Variants in DLX4 observed in about 807,000 individuals in gnomAD.
DLX4 encodes homeobox protein DLX-4.
DLX4 carries 13 observed loss-of-function variants against 17.1 expected under a neutral mutation model. That is an observed-to-expected ratio of 0.76 (90% CI 0.49 to 1.21). The LOEUF (loss-of-function observed/expected upper bound fraction) is 1.21, where lower values mean the gene tolerates loss of function less well. Among genes scored for constraint, DLX4 ranks in the 50% most tolerant of loss-of-function variants. The pLI is 0.00. For missense variants in DLX4, 297 were observed against 301.4 expected (o/e 0.99, Z 0.11); for synonymous variants, 129 against 140.3 (o/e 0.92, Z 0.57).
intron 2 of DLX4, 141 bp from the exon 3 acceptor site, chr17:49,973,560 G>A (rs1256952035): frequency 1.7e-6 from 2 of 1,158,682 alleles, no homozygotes; most frequent in Non-Finnish European, 2.4e-6. Flanking sequence ...GGGCTGTGGG[G>A]GACTGAAGCA....
At chr17:49,973,508 A>G in intron 2 of DLX4, 193 bp from the exon 3 acceptor site, 1 of 951,044 alleles carries the variant, frequency 1.1e-6, no homozygotes. Flanking sequence ...AGACAGGGAG[A>G]CATGGATACT....
chr17:49,973,409 G>C (rs574249255), intron 2 of DLX4, 140 bp downstream of exon 2: 1 of 1,316,582 alleles, frequency 7.6e-7, no homozygotes, highest in African/African-American at 1.5e-5. Flanking sequence ...TTCATAGCTG[G>C]CTCTTAGTAA....
intron 1 of DLX4, among the ~76,000 whole-genome samples, chr17:49,971,761 C>T (rs904935898): frequency 6.6e-6 from 1 of 151,740 alleles, no homozygotes; most frequent in African/African-American, 2.4e-5. Flanking sequence ...CGGGCGGGAG[C>T]GGAAACCCAA....
chr17:49,970,949 A>G (rs185769987), intron 1 of DLX4, among the ~76,000 whole-genome samples: 1 of 152,236 alleles, frequency 6.6e-6, no homozygotes, highest in East Asian at 1.9e-4. Context: ...AACCCCCCCA[A>G]AATTAACTGC....
At position 49,969,602 on chromosome 17, in the gene DLX4, T is replaced by A; in HGVS notation, c.134T>A (p.Leu45Ter). 1.2e-6 allele frequency: 2 copies of A among 1,613,442 alleles called. No individual in the cohort carries two copies. Among genetic ancestry groups the A allele is most frequent in the Non-Finnish European group, 1.7e-6 (2 of 1,179,942 alleles). The change falls in exon 1 of 3, where the codon TTG becomes TAG. Residue 45 changes from leucine (L) to a stop codon, truncating the protein, a stop_gained. Coordinates refer to ENST00000240306, the MANE Select transcript of DLX4 (RefSeq NM_138281.3). LOFTEE classifies it high-confidence loss of function. ...LSPTTAASPNLSYSRPYGHLL... is the reference protein window; with the variant it reads ...LSPTTAASPN Reference sequence around the variant, plus strand: ...CCTACAACCGCAGCCTCCCCCAATTTGTCCTACTCCAGGCCGTATGGCCAC... The same window carrying A: ...CCTACAACCGCAGCCTCCCCCAATTAGTCCTACTCCAGGCCGTATGGCCAC...
rs759620239 is a variant in DLX4, at chr17:49,973,150, A to C, written c.361A>C (p.Arg121=). ...CCCCGCCAAAAAGCTCCGCAAGCCG[A>C]GGACCATCTACTCCAGCCTGCAGCT... ...QAPAKKLRKP[R]TIYSSLQLQH... The change falls in exon 2 of 3, where the codon AGG becomes CGG. Residue 121 remains arginine, a synonymous_variant. Coordinates refer to ENST00000240306, the MANE Select transcript of DLX4 (RefSeq NM_138281.3). 3.1e-6 allele frequency: 5 copies of C among 1,614,148 alleles called. No homozygotes were observed. In the South Asian group the frequency reaches 5.5e-5, roughly 18 times the overall value.
chr17:49,972,320 A>C lies in DLX4; in HGVS notation c.284-753A>C, dbSNP rs1297196041. 6.6e-6 allele frequency: 1 copy of C among 152,196 alleles called. No individual in the cohort carries two copies. The highest frequency in any genetic ancestry group is 1.5e-5 in the Non-Finnish European group (1 of 68,114). The allele number at this position is 152,196 out of a possible 1,614,324, so 9.4% of individuals were successfully genotyped here. A position where few individuals can be genotyped will look rare whatever the true frequency, so the allele number is the denominator to read the frequency against. On this transcript the variant is annotated intron_variant, in intron 1 of 2. Coordinates refer to ENST00000240306, the MANE Select transcript of DLX4 (RefSeq NM_138281.3). This position sits in a 1 kb window ranked among gnomAD's most constrained non-coding sequence, Gnocchi z 5.4. The stretch of plus-strand genomic sequence containing the variant: ...GCTGCGCGCTCTTGGAACCCGGGTC[A>C]CCTTCCCTGCCGCCGGAACCGCTCT...
chr17:49,971,550 C>T (rs935243822), intron 1 of DLX4, among the ~76,000 whole-genome samples: 8 of 151,932 alleles, frequency 5.3e-5, no homozygotes, highest in Admixed American at 1.3e-4. Context: ...GGCAGCTGTC[C>T]GGGAAGGAAC....
At position 49,969,491 on chromosome 17, in the gene DLX4, TC is replaced by T. The variant is rs1239785372; in HGVS notation, c.27del (p.Gly10AlafsTer18). On this transcript the variant is annotated frameshift_variant, in exon 1 of 3. Coordinates refer to ENST00000240306, the MANE Select transcript of DLX4 (RefSeq NM_138281.3). LOFTEE classifies it high-confidence loss of function. Reference sequence around the variant, plus strand: ...ACAATGACCTCTTTGCCCTGCCCCCTCCCCGGCCGGGACGCCTCCAAAGCTG... The same window carrying T: ...ACAATGACCTCTTTGCCCTGCCCCCTCCCGGCCGGGACGCCTCCAAAGCTG... MTSLPCP[L>X]PGRDASKAVF... is the part of the protein sequence containing the mutation. The T allele has an allele frequency of 1.9e-6, 3 of 1,599,052 alleles. No individual in the cohort carries two copies. Among genetic ancestry groups the T allele is most frequent in the Admixed American group, 1.7e-5 (1 of 59,156 alleles).
upstream of DLX4, chr17:49,969,122 G>A (rs1905404722): frequency 4.1e-6 from 1 of 244,892 alleles, no homozygotes; most frequent in Non-Finnish European, 7.8e-6. Context: ...GCGGGGCCCG[G>A]CTGCAAGTCT....
Position 49,972,775 on chromosome 17 carries a change from C to T in DLX4, c.284-298C>T. 1 of 1,388,208 alleles carries T rather than the reference C, an allele frequency of 7.2e-7. No homozygotes were observed. The highest frequency in any genetic ancestry group is 9.3e-7 in the Non-Finnish European group (1 of 1,077,342). 86.0% of individuals were successfully genotyped at this position (1,388,208 alleles called of 1,614,324 possible). ...GAACTCCGACCTCCCACCGCAGGCG[C>T]CGCGGTACCCTGGCTGTGGCCCTCG... is the stretch of plus-strand genomic sequence containing the variant. On this transcript the variant is annotated intron_variant, in intron 1 of 2. Coordinates refer to ENST00000240306, the MANE Select transcript of DLX4 (RefSeq NM_138281.3). This position sits in a 1 kb window ranked among gnomAD's most constrained non-coding sequence, Gnocchi z 5.4.
rs1190153830 is a variant in DLX4 at position 49,973,798 on chromosome 17, C to T, written c.578C>T (p.Ser193Phe). Reference protein sequence around the residue: ...QEGDFPGRTFSVSPCSPPLPS... With the variant: ...QEGDFPGRTFFVSPCSPPLPS... ...GGGGACTTCCCTGGGAGGACCTTCT[C>T]TGTGTCTCCCTGCTCCCCACCCCTC... The change falls in exon 3 of 3, where the codon TCT becomes TTT. Residue 193 changes from serine to phenylalanine, a missense_variant. Physicochemically the swap from Ser to Phe is radical, Grantham distance 155. Coordinates refer to ENST00000240306, the MANE Select transcript of DLX4 (RefSeq NM_138281.3). 1 of 1,600,424 alleles carries T rather than the reference C, an allele frequency of 6.2e-7. No individual in the cohort carries two copies. Among genetic ancestry groups the T allele is most frequent in the East Asian group, 2.3e-5 (1 of 44,164 alleles).
At chr17:49,973,044 C>G in intron 1 of DLX4, 29 bp from the exon 2 acceptor site, 1 of 1,613,256 alleles carries the variant, frequency 6.2e-7, no homozygotes, top group Non-Finnish European at 8.5e-7. Context: ...CCCTCCTCGC[C>G]CCCTACACCG....
At chr17:49,969,133 C>T (rs1048759173), upstream of DLX4, 3 of 256,374 alleles carry the variant, frequency 1.2e-5, no homozygotes, top group Non-Finnish European at 2.2e-5. Context: ...CTGCAAGTCT[C>T]CGTGAGGTCA....
Position 49,972,584 on chromosome 17 carries a change from T to C in DLX4, c.284-489T>C. ...CAGCCGGGCCTCTCACCCACCCCGC[T>C]GGCCGCAGCCGGAGGCTGCCACGCG... On this transcript the variant is annotated intron_variant, in intron 1 of 2. Transcript: ENST00000240306. This position sits in a 1 kb window ranked among gnomAD's most constrained non-coding sequence, Gnocchi z 5.4. 2.7e-6 allele frequency: 1 copy of C among 375,344 alleles called. No individual in the cohort carries two copies. 23.3% of individuals were successfully genotyped at this position (375,344 alleles called of 1,614,324 possible).
Position 49,969,718 on chromosome 17 carries a change from G to C in DLX4, c.250G>C (p.Gly84Arg). ...CGCGGCGCTCTCTCAGCCCCTCTGC[G>C]GACCTGCAGAGCACCCTCAGGAACT... The part of the protein sequence containing the change: ...QPAALSQPLC[G>R]PAEHPQELEA... The change falls in exon 1 of 3, where the codon GGA becomes CGA. Residue 84 changes from glycine to arginine, a missense_variant. Transcript: ENST00000240306. The C allele has an allele frequency of 6.2e-7, 1 of 1,600,564 alleles. No individual in the cohort carries two copies. Among genetic ancestry groups the C allele is most frequent in the Non-Finnish European group, 8.5e-7 (1 of 1,179,474 alleles).
Position 49,974,063 on chromosome 17 carries a change from C to T in DLX4, c.*120C>T, listed in dbSNP as rs1905630555. On this transcript the variant is annotated 3_prime_UTR_variant, in exon 3 of 3. Coordinates refer to ENST00000240306, the MANE Select transcript of DLX4 (RefSeq NM_138281.3). ...CTCCAGATGGGTTTTCTCTGGAGGA[C>T]AAGCAGTTAGAGGAGAAAAAGGAAT... 1 of 1,342,256 alleles carries T rather than the reference C, an allele frequency of 7.5e-7. No individual in the cohort carries two copies. The highest frequency in any genetic ancestry group is 2.7e-5 in the East Asian group (1 of 37,296). 83.1% of individuals were successfully genotyped at this position (1,342,256 alleles called of 1,614,324 possible). A position where few individuals can be genotyped will look rare whatever the true frequency, so the allele number is the denominator to read the frequency against.
At position 49,972,154 on chromosome 17, in the gene DLX4, CCCAA is replaced by C. The variant is rs1905528640; in HGVS notation, c.284-916_284-913del. ...GCTTGGAAGAACAGAAACCCCTCGG[CCCAA>C]CCCTCCCCTGTCCCTCAGCATTCTA... On this transcript the variant is annotated intron_variant, in intron 1 of 2. Transcript: ENST00000240306. The surrounding 1 kb of genome is among the most constrained non-coding windows in gnomAD (Gnocchi z 5.4). 6.6e-6 allele frequency: 1 copy of C among 152,486 alleles called. No homozygotes were observed. Among genetic ancestry groups the C allele is most frequent in the African/African-American group, 2.4e-5 (1 of 41,434 alleles). 9.4% of individuals were successfully genotyped at this position (152,486 alleles called of 1,614,324 possible). A position where few individuals can be genotyped will look rare whatever the true frequency, so the allele number is the denominator to read the frequency against.
chr17:49,969,368 G>A lies in DLX4; in HGVS notation c.-101G>A. The A allele has an allele frequency of 2.2e-6, 3 of 1,341,114 alleles. No individual in the cohort carries two copies. The highest frequency in any genetic ancestry group is 5.2e-5 in the East Asian group (2 of 38,678). The allele number at this position is 1,341,114 out of a possible 1,614,324, so 83.1% of individuals were successfully genotyped here. On this transcript the variant is annotated 5_prime_UTR_variant, in exon 1 of 3. Coordinates refer to ENST00000240306, the MANE Select transcript of DLX4 (RefSeq NM_138281.3). Reference sequence around the variant, plus strand: ...CTTAAGTGTGGGGGCTGCTGGCTGGGGGGCCCGTCCGGCCCAACGCCGGAG... The same window carrying A: ...CTTAAGTGTGGGGGCTGCTGGCTGGAGGGCCCGTCCGGCCCAACGCCGGAG...
Sources: gnomAD v4.1 joint callset for allele counts (sites outside exome capture counted in the v4.1 genomes callset) on GRCh38, gnomAD v4.1.1 for gene constraint, Gnocchi (gnomAD v3.1) non-coding constraint, MANE v1.5 for transcripts, NCBI Gene and HGNC (gene_info 2026-07-23, HGNC 2026-07-21) for gene names.